The following CCDC57 variants were observed in gnomAD, a reference collection of about 807,000 sequenced individuals.
The protein encoded by CCDC57 is coiled-coil domain-containing protein 57.
In CCDC57, 118 loss-of-function variants were observed where a neutral mutation model predicts 118.9. That is an observed-to-expected ratio of 0.99 (90% confidence interval 0.86 to 1.16). The LOEUF is 1.16. Among genes scored for constraint, CCDC57 ranks in the 50% most tolerant of loss-of-function variants. The pLI, the probability that CCDC57 is intolerant of heterozygous loss-of-function variation, is 0.00. For missense variants in CCDC57, 1,300 were observed against 1,320.7 expected, an observed-to-expected ratio of 0.98 and a Z score of 0.24; for synonymous variants, 527 against 532.9, an observed-to-expected ratio of 0.99 and a Z score of 0.15.
intron 16 of CCDC57, among the ~76,000 whole-genome samples, chr17:82,147,695 G>A (rs2040988879): frequency 8.1e-6 from 1 of 123,400 alleles, no homozygotes; most frequent in African/African-American, 3.1e-5. Flanking sequence ...ATGGGTGGGT[G>A]GATGGATGGA....
At chr17:82,127,520 C>T (rs2037650796) in intron 19 of CCDC57, 172 bp downstream of exon 18, 1 of 985,348 alleles carries the variant, frequency 1.0e-6, no homozygotes, top group African/African-American at 1.7e-5. Flanking sequence ...ACCCGGGAAA[C>T]ACTCAGGTGC....
intron 13 of CCDC57, among the ~76,000 whole-genome samples, chr17:82,169,572 G>A (rs1193243200): frequency 1.7e-4 from 26 of 152,178 alleles, no homozygotes; most frequent in Admixed American, 1.7e-3. Context: ...GAAGGCATCT[G>A]TGTGGAAGGC....
intron 8 of CCDC57, 67 bp from the exon 8 acceptor site, chr17:82,183,999 C>T: frequency 1.9e-5 from 26 of 1,364,786 alleles, no homozygotes; most frequent in Non-Finnish European, 2.6e-5. Flanking sequence ...TACACAGCAC[C>T]CCCCAGCAAA....
chr17:82,134,254 G>A, intron 16 of CCDC57, 60 bp from the exon 16 acceptor site: 1 of 1,263,258 alleles, frequency 7.9e-7, no homozygotes, highest in Non-Finnish European at 1.0e-6. Flanking sequence ...TTCCTCTTGT[G>A]TTGAATGCAA....
At chr17:82,182,654 C>T (rs1420321735) in intron 9 of CCDC57, among the ~76,000 whole-genome samples, 1 of 150,820 alleles carries the variant, frequency 6.6e-6, no homozygotes, top group African/African-American at 2.4e-5. Context: ...GCGCCCGGCC[C>T]ACCAAACATT....
intron 14 of CCDC57, chr17:82,160,129 G>A (rs1007732186): frequency 3.9e-5 from 6 of 152,232 alleles, no homozygotes; most frequent in African/African-American, 1.2e-4. Context: ...AGAGGCTGCA[G>A]GGAAGGCGTG....
At chr17:82,144,275 G>T (rs1367023217) in intron 16 of CCDC57, among the ~76,000 whole-genome samples, 1 of 152,008 alleles carries the variant, frequency 6.6e-6, no homozygotes, top group Non-Finnish European at 1.5e-5. Context: ...GCACCACCAT[G>T]CCAGCCTGGG....
chr17:82,102,794 G>A (rs1419350787), intron 19 of CCDC57, among the ~76,000 whole-genome samples: 4 of 152,002 alleles, frequency 2.6e-5, no homozygotes, highest in African/African-American at 7.3e-5. Context: ...CTGAGGCAGC[G>A]GAGTCGCTTG....
chr17:82,123,024 C>T, intron 19 of CCDC57, among the ~76,000 whole-genome samples: 1 of 152,058 alleles, frequency 6.6e-6, no homozygotes, highest in East Asian at 1.9e-4. Flanking sequence ...GTGACCTTCA[C>T]CTTGCAAAAA....
chr17:82,118,524 C>CTGG lies in CCDC57; in HGVS notation c.2899+9165_2899+9167dup, dbSNP rs1598668153. Among the ~76,000 whole-genome samples, 1 of 152,100 alleles carries CTGG rather than the reference C, an allele frequency of 6.6e-6. No individual in the cohort carries two copies. The highest frequency in any genetic ancestry group is 2.4e-5 in the African/African-American group (1 of 41,416). On this transcript the variant is annotated intron_variant, in intron 19 of 19. Transcript: ENST00000665763. The surrounding 1 kb of genome is among the most constrained non-coding windows in gnomAD (Gnocchi z 4.7). ...ACACGTGGGACAGACTGTTGGGTGG[C>CTGG]TGGTCCCTGTACCGGCTCCTGAAAG... is the stretch of plus-strand genomic sequence containing the variant.
chr17:82,147,764 GT>G, intron 16 of CCDC57, among the ~76,000 whole-genome samples: 1 of 120,830 alleles, frequency 8.3e-6, no homozygotes, highest in Admixed American at 8.3e-5. Flanking sequence ...GGATGGATGG[GT>G]TGGTGCGTAG....
chr17:82,129,147 G>A (rs554729196), intron 17 of CCDC57, among the ~76,000 whole-genome samples: 33 of 152,266 alleles, frequency 2.2e-4, no homozygotes, highest in African/African-American at 7.9e-4. Flanking sequence ...TTGAACACCT[G>A]ACCTCAGGTG....
At chr17:82,151,020 C>T (rs1223016969) in intron 16 of CCDC57, among the ~76,000 whole-genome samples, 1 of 96,544 alleles carries the variant, frequency 1.0e-5, no homozygotes, top group African/African-American at 3.8e-5. Flanking sequence ...GAACCTGGCA[C>T]ACACCCAGAA....
chr17:82,119,417 C>A (rs2036367752), intron 19 of CCDC57, among the ~76,000 whole-genome samples: 1 of 151,852 alleles, frequency 6.6e-6, no homozygotes, highest in African/African-American at 2.4e-5. Context: ...GGATCATGCC[C>A]CTGCACCTGT....
At chr17:82,149,717 C>A (rs2041587424) in intron 16 of CCDC57, among the ~76,000 whole-genome samples, 1 of 152,080 alleles carries the variant, frequency 6.6e-6, no homozygotes, top group African/African-American at 2.4e-5. Flanking sequence ...CCCACTGACC[C>A]CAGGCGCACA....
chr17:82,205,242 G>C (rs2049479248), intron 2 of CCDC57, among the ~76,000 whole-genome samples: 1 of 152,326 alleles, frequency 6.6e-6, no homozygotes, highest in Non-Finnish European at 1.5e-5. Flanking sequence ...GTTCTCTGCA[G>C]AGCCTGAGGT....
At chr17:82,161,795 G>A (rs1599041751) in intron 14 of CCDC57, among the ~76,000 whole-genome samples, 1 of 152,264 alleles carries the variant, frequency 6.6e-6, no homozygotes, top group South Asian at 2.1e-4. Flanking sequence ...CTGGGGTGGG[G>A]AGAAAAGCTC....
At chr17:82,148,942 G>GGAT (rs2041411376) in intron 16 of CCDC57, among the ~76,000 whole-genome samples, 2 of 97,010 alleles carry the variant, frequency 2.1e-5, no homozygotes, top group African/African-American at 3.8e-5. Flanking sequence ...ATGGGTGGGT[G>GGAT]GGTGGATGGT....
At chr17:82,111,387 T>TC in intron 19 of CCDC57, among the ~76,000 whole-genome samples, 1 of 146,732 alleles carries the variant, frequency 6.8e-6, no homozygotes, top group East Asian at 2.0e-4. Flanking sequence ...CTTTTTTTTT[T>TC]TTTTTTTTTG....
Sources: gnomAD v4.1 joint callset for allele counts (sites outside exome capture counted in the v4.1 genomes callset) on GRCh38, gnomAD v4.1.1 for gene constraint, Gnocchi (gnomAD v3.1) non-coding constraint, MANE v1.5 for transcripts, NCBI Gene and HGNC (gene_info 2026-07-23, HGNC 2026-07-21) for gene names.